The following TJP1 variants were observed in gnomAD, a reference collection of about 807,000 sequenced individuals.
TJP1 encodes the protein tight junction protein ZO-1.
TJP1 carries 43 observed loss-of-function variants against 194.2 expected under a neutral mutation model. That is an observed-to-expected ratio of 0.22 (90% CI 0.17 to 0.29). TJP1 has a LOEUF of 0.29. Among genes scored for constraint, TJP1 ranks in the 10% least tolerant of loss-of-function variants. The pLI is 1.00. For synonymous variants in TJP1, 801 were observed against 779.0 expected, an observed-to-expected ratio of 1.03 and a Z score of -0.47; for missense variants, 1,971 against 2,185.7, an observed-to-expected ratio of 0.90 and a Z score of 1.96.
intron 2 of TJP1, among the ~76,000 whole-genome samples, chr15:29,869,123 T>G (rs1322125806): frequency 6.6e-6 from 1 of 152,190 alleles, no homozygotes; most frequent in South Asian, 2.1e-4. Context: ...CCGATCTCAC[T>G]CCTTATACCA....
At chr15:29,798,854 C>T (rs1242452728) in intron 2 of TJP1, among the ~76,000 whole-genome samples, 1 of 152,140 alleles carries the variant, frequency 6.6e-6, no homozygotes, top group African/African-American at 2.4e-5. Flanking sequence ...AGAGTAACAT[C>T]ATGGAGAAAT....
Position 29,700,485 on chromosome 15 carries a change from C to T in TJP1, c.*1110G>A, listed in dbSNP as rs1186714312. ...AATGACCTTGCATGTGTCATAGAAA[C>T]GCTGCTTTATTGCTGCAGAGGTCAA... On this transcript the variant is annotated 3_prime_UTR_variant, in exon 28 of 28. Transcript: ENST00000614355. 9 of 398,604 alleles carry T rather than the reference C, an allele frequency of 2.3e-5. No homozygotes were observed. Among genetic ancestry groups the T allele is most frequent in the Non-Finnish European group, 4.0e-5 (9 of 225,978 alleles). The allele number at this position is 398,604 out of a possible 1,614,324, so 24.7% of individuals were successfully genotyped here.
intron 2 of TJP1, among the ~76,000 whole-genome samples, chr15:29,947,622 A>G (rs1481271508): frequency 1.3e-5 from 2 of 152,280 alleles, no homozygotes; most frequent in South Asian, 2.1e-4. Context: ...ACCCTCCCTT[A>G]GAACAGAAAA....
chr15:29,919,862 C>A (rs1400277060), intron 2 of TJP1, among the ~76,000 whole-genome samples: 1 of 148,188 alleles, frequency 6.7e-6, no homozygotes, highest in Non-Finnish European at 1.5e-5. Context: ...TACCACATGG[C>A]TGGGGCCCTA....
rs1219841161 is a variant in TJP1, at chr15:29,753,419, G to A, written c.1010+7720C>T. On this transcript the variant is annotated intron_variant, in intron 8 of 27. Transcript: ENST00000614355. ...GAATAGCGTGAACCTGGGAGGCGGAGCTCGCAGTGAGCCGAGATCGTGCCA... is the reference window on the plus strand; with the variant it reads ...GAATAGCGTGAACCTGGGAGGCGGAACTCGCAGTGAGCCGAGATCGTGCCA... 2.1e-5 allele frequency among the ~76,000 whole-genome samples: 3 copies of A among 146,030 alleles called. No homozygotes were observed. The Admixed American group carries it at 2.1e-4, about 10-fold the overall frequency.
chr15:29,794,818 C>A (rs1247999636), intron 2 of TJP1, among the ~76,000 whole-genome samples: 5 of 151,902 alleles, frequency 3.3e-5, no homozygotes, highest in African/African-American at 7.3e-5. Context: ...GTAAAAAAAA[C>A]TATCAAAAGA....
chr15:29,901,054 A>G (rs2053618837), intron 2 of TJP1, among the ~76,000 whole-genome samples: 1 of 152,130 alleles, frequency 6.6e-6, no homozygotes, highest in African/African-American at 2.4e-5. Context: ...CACAGCTGGG[A>G]AAAAGGTGAT....
At chr15:29,943,585 C>A (rs532348420) in intron 2 of TJP1, among the ~76,000 whole-genome samples, 1 of 136,252 alleles carries the variant, frequency 7.3e-6, no homozygotes, top group Non-Finnish European at 1.5e-5. Context: ...TGAGATTGTG[C>A]CACTGCATTC....
intron 26 of TJP1, among the ~76,000 whole-genome samples, chr15:29,705,124 T>C (rs1036846773): frequency 1.3e-5 from 2 of 152,232 alleles, no homozygotes; most frequent in Admixed American, 6.5e-5. Context: ...AATAAGACAG[T>C]ACCTGTCAAG....
At chr15:29,713,528 G>A (rs752277519) in intron 23 of TJP1, among the ~76,000 whole-genome samples, 4 of 152,190 alleles carry the variant, frequency 2.6e-5, no homozygotes, top group Non-Finnish European at 5.9e-5. Flanking sequence ...ATCATCTGAA[G>A]GAAGAAAATT....
chr15:29,956,178 A>T (rs564674330), intron 2 of TJP1: 1 of 1,114,354 alleles, frequency 9.0e-7, no homozygotes, highest in Non-Finnish European at 1.1e-6. Context: ...ATAATAAAAT[A>T]AAAACTTTCA....
intron 2 of TJP1, among the ~76,000 whole-genome samples, chr15:29,838,273 A>C (rs1285575128): frequency 2.0e-5 from 3 of 152,244 alleles, no homozygotes; most frequent in South Asian, 4.2e-4. Flanking sequence ...AAAAATACAA[A>C]AATTAGCCAG....
intron 2 of TJP1, among the ~76,000 whole-genome samples, chr15:29,949,700 A>T (rs796771881): frequency 4.8e-4 from 39 of 80,454 alleles, no homozygotes; most frequent in African/African-American, 1.2e-3. Context: ...CACCTCCACC[A>T]CCACCACCTC....
At chr15:29,849,745 C>CAAA (rs564053758) in intron 2 of TJP1, among the ~76,000 whole-genome samples, 7 of 106,676 alleles carry the variant, frequency 6.6e-5, no homozygotes, top group South Asian at 3.1e-4. Flanking sequence ...GACTCCGTCT[C>CAAA]AAAAAAAAAA....
At chr15:29,816,470 C>T (rs1311792762) in intron 1 of TJP1, among the ~76,000 whole-genome samples, 1 of 152,118 alleles carries the variant, frequency 6.6e-6, no homozygotes, top group African/African-American at 2.4e-5. Flanking sequence ...TATCAGCCAA[C>T]TATATAAATT....
intron 1 of TJP1, among the ~76,000 whole-genome samples, chr15:29,815,735 T>C (rs1356806700): frequency 6.6e-6 from 1 of 152,236 alleles, no homozygotes; most frequent in African/African-American, 2.4e-5. Flanking sequence ...CTATTATTTT[T>C]AAAGACATTT....
intron 2 of TJP1, among the ~76,000 whole-genome samples, chr15:29,909,338 CAAAA>C (rs11353216): frequency 1.1e-5 from 1 of 93,658 alleles, no homozygotes. Flanking sequence ...ACTTCATCTC[CAAAA>C]AAAAAAAAAA....
chr15:29,928,587 C>T (rs1448494813), intron 2 of TJP1, among the ~76,000 whole-genome samples: 1 of 152,164 alleles, frequency 6.6e-6, no homozygotes, highest in Non-Finnish European at 1.5e-5. Context: ...AACTCCTACT[C>T]GCAAAATCTG....
chr15:29,886,557 A>G (rs993771399), intron 2 of TJP1, among the ~76,000 whole-genome samples: 2 of 151,636 alleles, frequency 1.3e-5, no homozygotes, highest in Admixed American at 1.3e-4. Flanking sequence ...TGTGCCTGTG[A>G]CTGGCTGCTG....
Sources: allele counts gnomAD v4.1 joint callset (sites outside exome capture counted in the v4.1 genomes callset), GRCh38; gene constraint gnomAD v4.1.1; transcripts MANE v1.5; gene names NCBI Gene and HGNC (gene_info 2026-07-23, HGNC 2026-07-21).